The following SHANK1 variants were observed in gnomAD, a reference collection of about 807,000 sequenced individuals.
The protein encoded by SHANK1 is SH3 and multiple ankyrin repeat domains 1, also known as SH3 and multiple ankyrin repeat domains protein 1.
In SHANK1, 35 loss-of-function variants were observed where a neutral mutation model predicts 165.6. The ratio of observed to expected loss-of-function variants is 0.21; its 90% confidence interval spans 0.16 to 0.28. The LOEUF is 0.28. Ranked by LOEUF, SHANK1 falls within the 10% of genes least tolerant of loss-of-function variation. The pLI is 1.00. For synonymous variants in SHANK1, 1,428 were observed against 1,384.8 expected, an observed-to-expected ratio of 1.03 and a Z score of -0.69; for missense variants, 2,681 against 3,036.4, an observed-to-expected ratio of 0.88 and a Z score of 2.75.
chr19:50,696,825 G>C (rs547755132), intron 15 of SHANK1, among the ~76,000 whole-genome samples: 47 of 152,222 alleles, frequency 3.1e-4, no homozygotes, highest in African/African-American at 9.2e-4. Flanking sequence ...CGGATTCAGA[G>C]AAGCACAGAT....
At chr19:50,672,555 C>CAAAA (rs3987747) in intron 21 of SHANK1, among the ~76,000 whole-genome samples, 3,740 of 35,472 alleles carry the variant, frequency 0.11, 464 homozygotes, top group African/African-American at 0.16. Context: ...GACTCTGTCT[C>CAAAA]AAAAAAAAAA....
At chr19:50,707,111 T>A (rs906308983) in intron 8 of SHANK1, among the ~76,000 whole-genome samples, 3 of 152,220 alleles carry the variant, frequency 2.0e-5, no homozygotes, top group African/African-American at 7.2e-5. Flanking sequence ...CACTGATGTA[T>A]GTGCCAGGCA....
chr19:50,685,111 G>A lies in SHANK1; in HGVS notation c.2577+1126C>T, dbSNP rs73598630. ...GGATGGGGACTGGGCAGAGAAGAAG[G>A]AAGCGGGAAGGGAGGAGCAAGGCAG... On this transcript the variant is annotated intron_variant, in intron 21 of 23. Coordinates refer to ENST00000293441, the MANE Select transcript of SHANK1 (RefSeq NM_016148.5). Among the ~76,000 whole-genome samples the A allele has an allele frequency of 3.6e-3, 553 of 152,352 alleles. 3 individuals carry two copies. The highest frequency in any genetic ancestry group is 0.012 in the African/African-American group (519 of 41,582).
chr19:50,674,219 G>A (rs577642875), intron 21 of SHANK1, among the ~76,000 whole-genome samples: 80 of 151,890 alleles, frequency 5.3e-4, no homozygotes, highest in South Asian at 4.0e-3. Flanking sequence ...CCCGGTCCCC[G>A]CATAGGGCCT....
At chr19:50,680,902 C>T (rs1258350738) in intron 21 of SHANK1, among the ~76,000 whole-genome samples, 4 of 152,132 alleles carry the variant, frequency 2.6e-5, no homozygotes, top group Admixed American at 6.5e-5. Flanking sequence ...GTGATCCACC[C>T]GCCTTGGCCT....
chr19:50,682,165 C>T (rs1986201439), intron 21 of SHANK1, among the ~76,000 whole-genome samples: 1 of 152,058 alleles, frequency 6.6e-6, no homozygotes, highest in African/African-American at 2.4e-5. Flanking sequence ...AAGTGATTCT[C>T]TTGCCTCAGC....
rs115705081 is a variant in SHANK1 at position 50,699,509 on chromosome 19, G to A, written c.1748-1553C>T. 1.8e-3 allele frequency among the ~76,000 whole-genome samples: 270 copies of A among 152,330 alleles called. 2 individuals are homozygous for A. The highest frequency in any genetic ancestry group is 6.1e-3 in the African/African-American group (254 of 41,564). Reference sequence around the variant, plus strand: ...CCCTGAGGTGTGACACATAGGTTGAGACCTGAAGGATCCTAGGAGCTGGGG... The same window carrying A: ...CCCTGAGGTGTGACACATAGGTTGAAACCTGAAGGATCCTAGGAGCTGGGG... On this transcript the variant is annotated intron_variant, in intron 12 of 23. Coordinates refer to ENST00000293441, the MANE Select transcript of SHANK1 (RefSeq NM_016148.5).
intron 15 of SHANK1, among the ~76,000 whole-genome samples, chr19:50,696,759 C>A (rs1986753861): frequency 6.6e-6 from 1 of 152,104 alleles, no homozygotes; most frequent in South Asian, 2.1e-4. Flanking sequence ...TGTGCAGAGA[C>A]CCACCTGTCC....
intron 15 of SHANK1, among the ~76,000 whole-genome samples, chr19:50,694,157 G>A (rs1325517303): frequency 6.6e-6 from 1 of 151,718 alleles, no homozygotes; most frequent in Non-Finnish European, 1.5e-5. Context: ...GGTGGGCTGG[G>A]AGCCCACCAT....
rs1370509858 is a variant in SHANK1 at position 50,703,823 on chromosome 19, G to A, written c.1230C>T (p.Phe410=). ...RNHREQDVVP[F]QESPKYAARR... ...GGGCCGCGTACTTGGGGGACTCCTG[G>A]AAGGGCACTGAGAGGGCACAGTGGC... Residue 410 remains phenylalanine (F), a synonymous_variant, in exon 11 of 24, where the codon TTC becomes TTT. Transcript: ENST00000293441. 3.5e-6 allele frequency: 5 copies of A among 1,429,076 alleles called. No individual in the cohort carries two copies. In the African/African-American group the frequency reaches 5.8e-5, roughly 16 times the overall value. 88.5% of individuals were successfully genotyped at this position (1,429,076 alleles called of 1,614,324 possible).
chr19:50,704,630 C>T lies in SHANK1; in HGVS notation c.1078-116G>A, dbSNP rs138534116. Reference sequence around the variant, plus strand: ...AGGAATAAATACTCCACCCTAAACCCGCACCACTGAGGACAGCAGCCACCT... The same window carrying T: ...AGGAATAAATACTCCACCCTAAACCTGCACCACTGAGGACAGCAGCCACCT... On this transcript the variant is annotated intron_variant, in intron 8 of 23. Coordinates refer to ENST00000293441, the MANE Select transcript of SHANK1 (RefSeq NM_016148.5). 7.7e-4 allele frequency: 716 copies of T among 932,710 alleles called. 6 individuals are homozygous for T. In the African/African-American group the frequency reaches 0.01, roughly 13 times the overall value. The allele number at this position is 932,710 out of a possible 1,614,324, so 57.8% of individuals were successfully genotyped here.
rs549541357 is a variant in SHANK1 at position 50,671,474 on chromosome 19, CGCCCG to C, written c.2674+539_2674+543del. On this transcript the variant is annotated intron_variant, in intron 22 of 23. Coordinates refer to ENST00000293441, the MANE Select transcript of SHANK1 (RefSeq NM_016148.5). ...CTGGGATTACAGGCGTGAGCCGCTG[CGCCCG>C]GCCCACTCTTTTTTTTGTTTTCCAT... Among the ~76,000 whole-genome samples, 10 of 142,132 alleles carry C rather than the reference CGCCCG, an allele frequency of 7.0e-5. No homozygotes were observed. The South Asian group carries it at 2.2e-3, about 32-fold the overall frequency. 93.2% of individuals were successfully genotyped at this position (142,132 alleles called of 152,430 possible).
intron 15 of SHANK1, among the ~76,000 whole-genome samples, chr19:50,692,466 TATATATAC>T (rs1241611262): frequency 6.7e-6 from 1 of 148,772 alleles, no homozygotes; most frequent in African/African-American, 2.5e-5. Flanking sequence ...GATATATATA[TATATATAC>T]ACACACACAC....
chr19:50,715,151 CAG>C (rs1568446489), intron 4 of SHANK1, among the ~76,000 whole-genome samples: 4 of 151,980 alleles, frequency 2.6e-5, no homozygotes, highest in Admixed American at 6.6e-5. Context: ...ACAGGACAGA[CAG>C]GGGCTGAGGA....
Position 50,718,493 on chromosome 19 carries a change from G to C in SHANK1, c.-44+913C>G, listed in dbSNP as rs1402027547. ...CGGCTGCCCCAGCCCCCCCGGGCCG[G>C]CTCCGGCCCCTCCCCCTCAGGGCTC... On this transcript the variant is annotated intron_variant, in intron 1 of 23. Coordinates refer to ENST00000293441, the MANE Select transcript of SHANK1 (RefSeq NM_016148.5). This position sits in a 1 kb window ranked among gnomAD's most constrained non-coding sequence, Gnocchi z 5.1. 1.3e-5 allele frequency among the ~76,000 whole-genome samples: 2 copies of C among 152,190 alleles called. No homozygotes were observed. Among genetic ancestry groups the C allele is most frequent in the East Asian group, 3.9e-4 (2 of 5,148 alleles).
chr19:50,665,466 C>T (rs1386516054), intron 23 of SHANK1, among the ~76,000 whole-genome samples: 2 of 142,232 alleles, frequency 1.4e-5, no homozygotes, highest in Non-Finnish European at 3.0e-5. Flanking sequence ...ACTCAGGAGG[C>T]TGAGGCTGGA....
At chr19:50,704,875 G>GC (rs1568442593) in intron 8 of SHANK1, among the ~76,000 whole-genome samples, 2 of 150,744 alleles carry the variant, frequency 1.3e-5, no homozygotes, top group South Asian at 2.1e-4. Flanking sequence ...ATAGTGAGAC[G>GC]CCCCCCGTCT....
Position 50,704,445 on chromosome 19 carries a change from G to C in SHANK1, c.1147C>G (p.Pro383Ala), listed in dbSNP as rs146764436. ...CCCCTGCAGCCCCAGACCTGGAAGG[G>C]GGTCTGTCCGTTGTTGTTCTTCACA... The part of the protein sequence containing the change: ...KDVKNNNGQT[P>A]FQVAVIAGNF... Residue 383 changes from proline (P) to alanine (A), a missense_variant, in exon 9 of 24, where the codon CCC becomes GCC. Physicochemically the swap from Pro to Ala is conservative, Grantham distance 27. Coordinates refer to ENST00000293441, the MANE Select transcript of SHANK1 (RefSeq NM_016148.5). The C allele has an allele frequency of 1.9e-5, 30 of 1,613,814 alleles. No homozygotes were observed. Among genetic ancestry groups the C allele is most frequent in the Non-Finnish European group, 1.7e-6 (2 of 1,179,870 alleles).
Position 50,703,802 on chromosome 19 carries a change from C to T in SHANK1, c.1251G>A (p.Ala417=), listed in dbSNP as rs781519793. 18 of 1,426,938 alleles carry T rather than the reference C, an allele frequency of 1.3e-5. No individual in the cohort carries two copies. Among genetic ancestry groups the T allele is most frequent in the South Asian group, 4.5e-5 (3 of 66,896 alleles). 88.4% of individuals were successfully genotyped at this position (1,426,938 alleles called of 1,614,324 possible). The change falls in exon 11 of 24, where the codon GCG becomes GCA. Residue 417 remains alanine, a synonymous_variant. Coordinates refer to ENST00000293441, the MANE Select transcript of SHANK1 (RefSeq NM_016148.5). ...VVPFQESPKY[A]ARRRGPPGTG... is the part of the protein sequence containing the mutation. ...TGCCTGGGGGCCCCCGTCGCCGGGC[C>T]GCGTACTTGGGGGACTCCTGGAAGG...
Sources: gnomAD v4.1 joint callset for allele counts (sites outside exome capture counted in the v4.1 genomes callset) on GRCh38, gnomAD v4.1.1 for gene constraint, Gnocchi (gnomAD v3.1) non-coding constraint, MANE v1.5 for transcripts, NCBI Gene and HGNC (gene_info 2026-07-23, HGNC 2026-07-21) for gene names.